MRC2: variants seen among roughly 807,000 people sequenced by gnomAD.
MRC2 encodes C-type mannose receptor 2.
Under a neutral mutation model 206.2 loss-of-function variants are expected in MRC2, and 84 were observed. That is an observed-to-expected ratio of 0.41 (90% CI 0.34 to 0.49). The LOEUF is 0.49. MRC2 is among the 20% of genes least tolerant of loss of function. The pLI is 0.31. For synonymous variants in MRC2, 798 were observed against 800.0 expected, an observed-to-expected ratio of 1.00 and a Z score of 0.04; for missense variants, 1,676 against 2,001.5, an observed-to-expected ratio of 0.84 and a Z score of 3.10.
intron 23 of MRC2, 157 bp from the exon 24 acceptor site, chr17:62,689,365 C>A: frequency 3.3e-6 from 2 of 609,860 alleles, no homozygotes; most frequent in Non-Finnish European, 5.9e-6. Context: ...TTATTAATAA[C>A]AACAGGGCTG....
rs1361738361 is a variant in MRC2, at chr17:62,654,102, G to C, written c.119-10446G>C. ...CTCCTCTTGGCTGGCGGCCCTTTCA[G>C]GCGGCCTCTGGCTCTCCCTGGGATG... On this transcript the variant is annotated intron_variant, in intron 1 of 29. Transcript: ENST00000303375. 3.9e-5 allele frequency among the ~76,000 whole-genome samples: 6 copies of C among 152,002 alleles called. No homozygotes were observed. In the South Asian group the frequency reaches 1.0e-3, roughly 26 times the overall value.
At chr17:62,648,880 C>T (rs1440796218) in intron 1 of MRC2, among the ~76,000 whole-genome samples, 1 of 152,200 alleles carries the variant, frequency 6.6e-6, no homozygotes, top group Non-Finnish European at 1.5e-5. Context: ...GAAACACAAA[C>T]AGATTCTTGA....
rs200470961 is a variant in MRC2 at position 62,667,472 on chromosome 17, C to T, written c.1056C>T (p.Ser352=). The T allele has an allele frequency of 2.3e-5, 37 of 1,612,810 alleles. No individual in the cohort carries two copies. Among genetic ancestry groups the T allele is most frequent in the Non-Finnish European group, 3.1e-5 (37 of 1,179,784 alleles). Residue 352 remains serine (S), a synonymous_variant, in exon 6 of 30, where the codon AGC becomes AGT. Transcript: ENST00000303375. The surrounding 1 kb of genome is among the most constrained non-coding windows in gnomAD (Gnocchi z 4.1). ...GCGGCTGGCAGAACCGTGACTGCAG[C>T]ATCGCGCTGCCCTATGTGTGCAAGA... ...SSGGWQNRDC[S]IALPYVCKKK... is the part of the protein sequence containing the mutation.
chr17:62,657,964 C>T (rs1181565359), intron 1 of MRC2, among the ~76,000 whole-genome samples: 1 of 152,172 alleles, frequency 6.6e-6, no homozygotes, highest in Non-Finnish European at 1.5e-5. Flanking sequence ...GGAATCCCCC[C>T]TCAGCTTCTC....
intron 20 of MRC2, 151 bp downstream of exon 20, chr17:62,682,528 C>A: frequency 2.3e-6 from 2 of 884,442 alleles, no homozygotes; most frequent in Non-Finnish European, 3.3e-6. Context: ...GGCTCCAGTA[C>A]CAGGGCCAGA....
At position 62,674,176 on chromosome 17, in the gene MRC2, G is replaced by A; in HGVS notation, c.1569+6G>A. The A allele has an allele frequency of 1.3e-6, 2 of 1,545,072 alleles. No individual in the cohort carries two copies. The highest frequency in any genetic ancestry group is 1.7e-6 in the Non-Finnish European group (2 of 1,144,136). On this transcript the variant is annotated splice_donor_region_variant and intron_variant, in intron 9 of 29. Coordinates refer to ENST00000303375, the MANE Select transcript of MRC2 (RefSeq NM_006039.5). ...AGGACCATGGCTGCCGGAAGGTGAGGGTGTTTCTGGAGCTGCCCTGAGTGG... is the reference window on the plus strand; with the variant it reads ...AGGACCATGGCTGCCGGAAGGTGAGAGTGTTTCTGGAGCTGCCCTGAGTGG...
intron 6 of MRC2, among the ~76,000 whole-genome samples, chr17:62,669,669 C>T (rs28413098): frequency 0.018 from 2,756 of 152,280 alleles, 83 homozygotes; most frequent in African/African-American, 0.061. Context: ...TCTCATGCTC[C>T]AGCCTCCCGA....
chr17:62,683,510 C>CTTT (rs754026119), intron 20 of MRC2, among the ~76,000 whole-genome samples: 5 of 123,918 alleles, frequency 4.0e-5, no homozygotes, highest in Middle Eastern at 4.1e-3. Flanking sequence ...AAAAAAACAC[C>CTTT]TTTTTTTTTT....
Position 62,682,279 on chromosome 17 carries a change from T to A in MRC2, c.2848T>A (p.Cys950Ser). The A allele has an allele frequency of 6.2e-7, 1 of 1,604,066 alleles. No individual in the cohort carries two copies. The highest frequency in any genetic ancestry group is 8.5e-7 in the Non-Finnish European group (1 of 1,175,100). ...GTGCCTGACAGCCTTGCCCTACATC[T>A]GCAAGCGCAGCAACGTCACCAAAGA... Reference protein sequence around the residue: ...QRCLTALPYICKRSNVTKETQ... With the variant: ...QRCLTALPYISKRSNVTKETQ... Residue 950 changes from cysteine (C) to serine (S), a missense_variant, in exon 20 of 30, where the codon TGC becomes AGC. Coordinates refer to ENST00000303375, the MANE Select transcript of MRC2 (RefSeq NM_006039.5).
At position 62,667,294 on chromosome 17, in the gene MRC2, G is replaced by A; in HGVS notation, c.974-96G>A. ...TTCCCGAACTGGCTCAGGCTTCCGA[G>A]GGAGCAGAGGGAGGTAGGAGGTTCT... On this transcript the variant is annotated intron_variant, in intron 5 of 29. Coordinates refer to ENST00000303375, the MANE Select transcript of MRC2 (RefSeq NM_006039.5). This position sits in a 1 kb window ranked among gnomAD's most constrained non-coding sequence, Gnocchi z 4.1. 1 of 1,460,000 alleles carries A rather than the reference G, an allele frequency of 6.8e-7. No homozygotes were observed. The highest frequency in any genetic ancestry group is 2.5e-5 in the Admixed American group (1 of 39,570). The allele number at this position is 1,460,000 out of a possible 1,614,324, so 90.4% of individuals were successfully genotyped here. A position where few individuals can be genotyped will look rare whatever the true frequency, so the allele number is the denominator to read the frequency against.
At chr17:62,683,510 CTTTTTT>C (rs754026119) in intron 20 of MRC2, among the ~76,000 whole-genome samples, 4 of 123,928 alleles carry the variant, frequency 3.2e-5, no homozygotes, top group Non-Finnish European at 6.6e-5. Flanking sequence ...AAAAAAACAC[CTTTTTT>C]TTTTTTTTTT....
intron 1 of MRC2, among the ~76,000 whole-genome samples, chr17:62,634,234 G>A (rs1234528989): frequency 2.0e-5 from 3 of 152,122 alleles, no homozygotes; most frequent in Non-Finnish European, 4.4e-5. Flanking sequence ...GCGCTGATAG[G>A]AGTATCTTTT....
At position 62,667,334 on chromosome 17, in the gene MRC2, G is replaced by A; in HGVS notation, c.974-56G>A. The A allele has an allele frequency of 6.6e-7, 1 of 1,525,668 alleles. No individual in the cohort carries two copies. Among genetic ancestry groups the A allele is most frequent in the Non-Finnish European group, 8.8e-7 (1 of 1,138,536 alleles). The allele number at this position is 1,525,668 out of a possible 1,614,324, so 94.5% of individuals were successfully genotyped here. On this transcript the variant is annotated intron_variant, in intron 5 of 29. Coordinates refer to ENST00000303375, the MANE Select transcript of MRC2 (RefSeq NM_006039.5). This position sits in a 1 kb window ranked among gnomAD's most constrained non-coding sequence, Gnocchi z 4.1. ...TAGGAGGTTCTGAGCAGGGCCCCGG[G>A]AGCCACGGTGTGAGCTTCTCTCTCC...
intron 1 of MRC2, among the ~76,000 whole-genome samples, chr17:62,656,680 A>G (rs2088623201): frequency 6.6e-6 from 1 of 152,200 alleles, no homozygotes; most frequent in African/African-American, 2.4e-5. Flanking sequence ...GACAGGTCAG[A>G]GGAGGTCCTA....
chr17:62,640,869 T>C (rs1487807117), intron 1 of MRC2, among the ~76,000 whole-genome samples: 1 of 151,686 alleles, frequency 6.6e-6, no homozygotes, highest in Non-Finnish European at 1.5e-5. Flanking sequence ...GTTTTTTGTT[T>C]TTTGTGTTTT....
Position 62,690,217 on chromosome 17 carries a change from C to G in MRC2, c.3804C>G (p.Ser1268=), listed in dbSNP as rs568726486. ...GCTGTCCCCAGGGACTGGCAGACTCCGCGTGGATTCCCTTCCGGGAGCACT... is the reference window on the plus strand; with the variant it reads ...GCTGTCCCCAGGGACTGGCAGACTCGGCGTGGATTCCCTTCCGGGAGCACT... ...HGSCPQGLAD[S]AWIPFREHCY... is the part of the protein sequence containing the mutation. The change falls in exon 26 of 30, where the codon TCC becomes TCG. Residue 1268 remains serine, a synonymous_variant. Transcript: ENST00000303375. 6.2e-7 allele frequency: 1 copy of G among 1,613,084 alleles called. No individual in the cohort carries two copies. The highest frequency in any genetic ancestry group is 8.5e-7 in the Non-Finnish European group (1 of 1,179,492).
chr17:62,667,668 T>C lies in MRC2; in HGVS notation c.1117+135T>C, dbSNP rs2088775268. 3 of 980,882 alleles carry C rather than the reference T, an allele frequency of 3.1e-6. No individual in the cohort carries two copies. The highest frequency in any genetic ancestry group is 4.3e-6 in the Non-Finnish European group (3 of 702,860). 60.8% of individuals were successfully genotyped at this position (980,882 alleles called of 1,614,324 possible). The stretch of plus-strand genomic sequence containing the variant: ...GGGACTCTGGATCCTCTGACTCTTA[T>C]TTCATTGTTCAGTTAAAGTCTGAGC... On this transcript the variant is annotated intron_variant, in intron 6 of 29. Transcript: ENST00000303375. This position sits in a 1 kb window ranked among gnomAD's most constrained non-coding sequence, Gnocchi z 4.1.
At chr17:62,638,383 G>T (rs1275039403) in intron 1 of MRC2, among the ~76,000 whole-genome samples, 2 of 152,114 alleles carry the variant, frequency 1.3e-5, no homozygotes, top group African/African-American at 4.8e-5. Flanking sequence ...ACTGTTATAA[G>T]AAAATAATGT....
At chr17:62,654,105 G>A (rs1452266892) in intron 1 of MRC2, among the ~76,000 whole-genome samples, 1 of 151,650 alleles carries the variant, frequency 6.6e-6, no homozygotes, top group Non-Finnish European at 1.5e-5. Context: ...CCTTTCAGGC[G>A]GCCTCTGGCT....
Sources: allele counts gnomAD v4.1 joint callset (sites outside exome capture counted in the v4.1 genomes callset), GRCh38; gene constraint gnomAD v4.1.1; non-coding constraint Gnocchi (gnomAD v3.1); transcripts MANE v1.5; gene names NCBI Gene and HGNC (gene_info 2026-07-23, HGNC 2026-07-21).